The following PMEPA1 variants were observed in gnomAD, a reference collection of about 807,000 sequenced individuals.
The protein encoded by PMEPA1 is prostate transmembrane protein, androgen induced 1.
Under a neutral mutation model 23.0 loss-of-function variants are expected in PMEPA1, and 11 were observed. The ratio of observed to expected loss-of-function variants is 0.48; its 90% confidence interval spans 0.30 to 0.79. The LOEUF is 0.79. Among genes scored for constraint, PMEPA1 ranks in the 30% least tolerant of loss-of-function variants. The pLI is 0.06. For missense variants in PMEPA1, 377 were observed against 390.9 expected, an observed-to-expected ratio of 0.96 and a Z score of 0.30; for synonymous variants, 204 against 166.4, an observed-to-expected ratio of 1.23 and a Z score of -1.74.
chr20:57,677,025 C>T (rs915305422), intron 1 of PMEPA1, among the ~76,000 whole-genome samples: 13 of 152,264 alleles, frequency 8.5e-5, no homozygotes, highest in African/African-American at 2.9e-4. Flanking sequence ...GCTCACCATG[C>T]GCCAGCCAGC....
rs1419866623 is a variant in PMEPA1, at chr20:57,649,149, A to G, written c.*2904T>C. The G allele has an allele frequency of 6.6e-6, 1 of 152,244 alleles. No individual in the cohort carries two copies. Among genetic ancestry groups the G allele is most frequent in the East Asian group, 1.9e-4 (1 of 5,184 alleles). 9.4% of individuals were successfully genotyped at this position (152,244 alleles called of 1,614,324 possible). A position where few individuals can be genotyped will look rare whatever the true frequency, so the allele number is the denominator to read the frequency against. On this transcript the variant is annotated 3_prime_UTR_variant, in exon 4 of 4. Transcript: ENST00000341744. ...CAGGATGGAACGGCAGACCCCTGAAACGAAGCTTGTCCCCTTCCAATCAGC... is the reference window on the plus strand; with the variant it reads ...CAGGATGGAACGGCAGACCCCTGAAGCGAAGCTTGTCCCCTTCCAATCAGC...
At chr20:57,695,537 C>T (rs148208762) in intron 1 of PMEPA1, among the ~76,000 whole-genome samples, 204 of 152,344 alleles carry the variant, frequency 1.3e-3, no homozygotes, top group African/African-American at 4.4e-3. Context: ...CAGCGGCTCA[C>T]GCCTGTAATC....
intron 1 of PMEPA1, among the ~76,000 whole-genome samples, chr20:57,700,571 G>A (rs2071998078): frequency 6.6e-6 from 1 of 152,190 alleles, no homozygotes; most frequent in African/African-American, 2.4e-5. Context: ...CTTGCTGATG[G>A]TGAAGAGTTG....
chr20:57,659,788 A>G (rs2071386878), intron 1 of PMEPA1, 91 bp from the exon 2 acceptor site: 1 of 1,253,410 alleles, frequency 8.0e-7, no homozygotes. Flanking sequence ...TCACCCACCT[A>G]GGGGGACGAG....
intron 2 of PMEPA1, among the ~76,000 whole-genome samples, chr20:57,658,692 G>A (rs148406198): frequency 3.3e-5 from 5 of 152,298 alleles, no homozygotes; most frequent in Non-Finnish European, 5.9e-5. Context: ...GAGGGCACGT[G>A]GCCAGTACTG....
chr20:57,683,562 T>TGTGTGTGC lies in PMEPA1; in HGVS notation c.110-23866_110-23865insGCACACAC, dbSNP rs1555882195. Among the ~76,000 whole-genome samples the TGTGTGTGC allele has an allele frequency of 9.9e-4, 130 of 131,218 alleles. 1 individual carries two copies. In the East Asian group the frequency reaches 0.014, roughly 14 times the overall value. The allele number at this position is 131,218 out of a possible 152,430, so 86.1% of individuals were successfully genotyped here. ...GTGTTCTGGCCTGTGTGCGTGTGTG[T>TGTGTGTGC]GTGTGTGTGTGTGTGTGTGTGTTTC... On this transcript the variant is annotated intron_variant, in intron 1 of 3. Coordinates refer to ENST00000341744, the MANE Select transcript of PMEPA1 (RefSeq NM_020182.5). The surrounding 1 kb of genome is among the most constrained non-coding windows in gnomAD (Gnocchi z 4.3).
rs1028371488 is a variant in PMEPA1, at chr20:57,651,065, C to T, written c.*988G>A. On this transcript the variant is annotated 3_prime_UTR_variant, in exon 4 of 4. Transcript: ENST00000341744. ...AAAGAAGAGGAAAAACTAATTCCTT[C>T]GGTAACAGTTTATTTTCATTTTTGG... The T allele has an allele frequency of 2.0e-5, 3 of 152,232 alleles. No individual in the cohort carries two copies. Among genetic ancestry groups the T allele is most frequent in the African/African-American group, 4.8e-5 (2 of 41,458 alleles). The allele number at this position is 152,232 out of a possible 1,614,324, so 9.4% of individuals were successfully genotyped here. A position where few individuals can be genotyped will look rare whatever the true frequency, so the allele number is the denominator to read the frequency against.
intron 1 of PMEPA1, among the ~76,000 whole-genome samples, chr20:57,691,442 T>C (rs896109595): frequency 2.6e-5 from 4 of 151,796 alleles, no homozygotes; most frequent in African/African-American, 9.7e-5. Flanking sequence ...TGACTGAGAG[T>C]TGAATCACAG....
intron 2 of PMEPA1, among the ~76,000 whole-genome samples, chr20:57,654,469 T>G (rs1039799958): frequency 1.2e-4 from 19 of 152,176 alleles, no homozygotes; most frequent in African/African-American, 4.3e-4. Flanking sequence ...GGAGGCTCTG[T>G]GGCCCCTCAA....
chr20:57,685,225 G>A (rs987264683), intron 1 of PMEPA1, among the ~76,000 whole-genome samples: 7 of 152,094 alleles, frequency 4.6e-5, no homozygotes, highest in South Asian at 2.1e-4. Flanking sequence ...GTACCCACCC[G>A]GCTGCAACCT....
At position 57,652,788 on chromosome 20, in the gene PMEPA1, A is replaced by G. The variant is rs1199763804; in HGVS notation, c.319-190T>C. On this transcript the variant is annotated intron_variant, in intron 3 of 3. Coordinates refer to ENST00000341744, the MANE Select transcript of PMEPA1 (RefSeq NM_020182.5). This position sits in a 1 kb window ranked among gnomAD's most constrained non-coding sequence, Gnocchi z 6.1. ...GCCCTGGCCTGGGGGGCAGCACTGC[A>G]GAGCTGCACCGCCCTCCTCCAAACA... 6.6e-6 allele frequency among the ~76,000 whole-genome samples: 1 copy of G among 152,132 alleles called. No individual in the cohort carries two copies. The highest frequency in any genetic ancestry group is 2.4e-5 in the African/African-American group (1 of 41,432).
chr20:57,686,647 G>A (rs781011824), intron 1 of PMEPA1, among the ~76,000 whole-genome samples: 3 of 152,254 alleles, frequency 2.0e-5, no homozygotes, highest in Non-Finnish European at 2.9e-5. Context: ...GGCATCCACC[G>A]GCCTCTTTCA....
chr20:57,671,171 G>A (rs1369216233), intron 1 of PMEPA1, among the ~76,000 whole-genome samples: 2 of 152,132 alleles, frequency 1.3e-5, no homozygotes, highest in Non-Finnish European at 1.5e-5. Flanking sequence ...CACTGACATC[G>A]AACACCTTTA....
chr20:57,672,375 G>A (rs1024559822), intron 1 of PMEPA1, among the ~76,000 whole-genome samples: 2 of 152,376 alleles, frequency 1.3e-5, no homozygotes, highest in East Asian at 1.9e-4. Context: ...GATGGCGGGC[G>A]GCGCCCAGGG....
intron 1 of PMEPA1, among the ~76,000 whole-genome samples, chr20:57,668,014 G>A: frequency 6.6e-6 from 1 of 152,238 alleles, no homozygotes; most frequent in East Asian, 1.9e-4. Context: ...TCTTCCTCTT[G>A]AGGTTTGGGG....
At chr20:57,691,845 T>C (rs1211342598) in intron 1 of PMEPA1, 1 of 152,276 alleles carries the variant, frequency 6.6e-6, no homozygotes, top group African/African-American at 2.4e-5. Context: ...ACCCCCGCTG[T>C]GTGGTCTTGA....
In PMEPA1 at chr20:57,683,179, A is replaced by T. The variant is rs545253827; in HGVS notation, c.110-23482T>A. 6.6e-6 allele frequency among the ~76,000 whole-genome samples: 1 copy of T among 152,316 alleles called. No individual in the cohort carries two copies. The highest frequency in any genetic ancestry group is 1.9e-4 in the East Asian group (1 of 5,180). ...ATATCCCCCACTGCTTTTTAAAAAG[A>T]AAAAGAAGGCCAGGAGACACGCGAT... On this transcript the variant is annotated intron_variant, in intron 1 of 3. Transcript: ENST00000341744. This position sits in a 1 kb window ranked among gnomAD's most constrained non-coding sequence, Gnocchi z 4.3.
At chr20:57,691,245 T>C (rs1361152515) in intron 1 of PMEPA1, among the ~76,000 whole-genome samples, 1 of 152,164 alleles carries the variant, frequency 6.6e-6, no homozygotes, top group Non-Finnish European at 1.5e-5. Context: ...TTAGCGAGGT[T>C]CCTAATTGTG....
At chr20:57,684,534 G>T (rs553643671) in intron 1 of PMEPA1, among the ~76,000 whole-genome samples, 1 of 152,176 alleles carries the variant, frequency 6.6e-6, no homozygotes, top group Non-Finnish European at 1.5e-5. Flanking sequence ...CTGGCAGGAC[G>T]ATGCCTATTT....
Sources: gnomAD v4.1 joint callset for allele counts (sites outside exome capture counted in the v4.1 genomes callset) on GRCh38, gnomAD v4.1.1 for gene constraint, Gnocchi (gnomAD v3.1) non-coding constraint, MANE v1.5 for transcripts, NCBI Gene and HGNC (gene_info 2026-07-23, HGNC 2026-07-21) for gene names.